KAT6B: variants seen among roughly 807,000 people sequenced by gnomAD.
The protein encoded by KAT6B is histone acetyltransferase KAT6B.
Under a neutral mutation model 187.5 loss-of-function variants are expected in KAT6B, and 10 were observed. The observed-to-expected ratio is 0.05, with a 90% confidence interval of 0.03 to 0.09. The LOEUF is 0.09. KAT6B is among the 10% of genes least tolerant of loss of function. KAT6B has a pLI of 1.00. For synonymous variants in KAT6B, 861 were observed against 926.8 expected, an observed-to-expected ratio of 0.93 and a Z score of 1.29; for missense variants, 1,952 against 2,558.9, an observed-to-expected ratio of 0.76 and a Z score of 5.12.
At chr10:75,003,440 G>A (rs1843993536) in intron 13 of KAT6B, among the ~76,000 whole-genome samples, 1 of 152,112 alleles carries the variant, frequency 6.6e-6, no homozygotes, top group African/African-American at 2.4e-5. Context: ...CTTTTGAAAT[G>A]GTGCTCAAGT....
intron 3 of KAT6B, among the ~76,000 whole-genome samples, chr10:74,937,444 T>C (rs1456854081): frequency 6.6e-6 from 1 of 152,236 alleles, no homozygotes. Context: ...ATTTAAAATC[T>C]TCTTGACCTT....
In KAT6B at chr10:75,022,102, AGAAGAGGAG is replaced by A. The variant is rs780405690; in HGVS notation, c.3249_3257del (p.Glu1087_Glu1089del). 32 of 1,582,848 alleles carry A rather than the reference AGAAGAGGAG, an allele frequency of 2.0e-5. No individual in the cohort carries two copies. Among genetic ancestry groups the A allele is most frequent in the Non-Finnish European group, 2.7e-5 (31 of 1,154,100 alleles). On this transcript the variant is annotated inframe_deletion, in exon 16 of 18. Coordinates refer to ENST00000287239, the MANE Select transcript of KAT6B (RefSeq NM_012330.4). The stretch of plus-strand genomic sequence containing the variant: ...AGGAGGAGGAGGACGAGGAGGAGGA[AGAAGAGGAG>A]GAAGAAGAGGAAGAGGATGAAGAGG...
intron 3 of KAT6B, among the ~76,000 whole-genome samples, chr10:74,948,332 A>G (rs371588749): frequency 1.3e-5 from 2 of 152,232 alleles, no homozygotes; most frequent in African/African-American, 4.8e-5. Flanking sequence ...TTAGTAACTT[A>G]TTGAATAGCA....
Position 75,030,540 on chromosome 10 carries a change from G to C in KAT6B, c.5716G>C (p.Gly1906Arg). 3.7e-6 allele frequency: 6 copies of C among 1,607,456 alleles called. No individual in the cohort carries two copies. The highest frequency in any genetic ancestry group is 5.1e-6 in the Non-Finnish European group (6 of 1,174,970). The stretch of plus-strand genomic sequence containing the variant: ...ACGGAACATGGCTGCATCAAATATT[G>C]GCATCTCTCACAGCCAAAGACTGCA... ...LQRNMAASNI[G>R]ISHSQRLQTQ... Residue 1906 changes from glycine to arginine, a missense_variant, in exon 18 of 18, where the codon GGC (glycine) becomes CGC (arginine). Transcript: ENST00000287239. The surrounding 1 kb of genome is among the most constrained non-coding windows in gnomAD (Gnocchi z 4.8).
At position 74,985,061 on chromosome 10, in the gene KAT6B, G is replaced by C. The variant is rs955739595; in HGVS notation, c.2374-19G>C. On this transcript the variant is annotated intron_variant, in intron 11 of 17. Transcript: ENST00000287239. Reference sequence around the variant, plus strand: ...CAGTATTTTTATGTTAAATAATGTTGTCTGTTTCTTTTTGCTAGGTTGATG... The same window carrying C: ...CAGTATTTTTATGTTAAATAATGTTCTCTGTTTCTTTTTGCTAGGTTGATG... 1.2e-6 allele frequency: 2 copies of C among 1,609,620 alleles called. No homozygotes were observed. Among genetic ancestry groups the C allele is most frequent in the Non-Finnish European group, 8.5e-7 (1 of 1,176,028 alleles).
intron 3 of KAT6B, among the ~76,000 whole-genome samples, chr10:74,940,243 A>T (rs181317099): frequency 1.5e-4 from 22 of 151,566 alleles, no homozygotes; most frequent in African/African-American, 5.3e-4. Context: ...GTTTAAAGCT[A>T]TATGTACTCG....
rs2133211435 is a variant in KAT6B at position 74,934,506 on chromosome 10, C to T, written c.622-25464C>T. Among the ~76,000 whole-genome samples, 2 of 152,274 alleles carry T rather than the reference C, an allele frequency of 1.3e-5. 1 individual carries two copies. The highest frequency in any genetic ancestry group is 4.1e-4 in the South Asian group (2 of 4,820). On this transcript the variant is annotated intron_variant, in intron 3 of 17. Coordinates refer to ENST00000287239, the MANE Select transcript of KAT6B (RefSeq NM_012330.4). ...ACCATGCCGGCTGCATCCTTTAAAT[C>T]TTTACAGTGGCTTCTCATTTCCTTT...
chr10:75,022,125 A>G lies in KAT6B; in HGVS notation c.3266A>G (p.Glu1089Gly), dbSNP rs1312275964. 3 of 1,606,440 alleles carry G rather than the reference A, an allele frequency of 1.9e-6. No homozygotes were observed. Among genetic ancestry groups the G allele is most frequent in the Admixed American group, 1.7e-5 (1 of 59,626 alleles). The change falls in exon 16 of 18, where the codon GAG (glutamate) becomes GGG (glycine). Residue 1089 changes from glutamate to glycine, a missense_variant. Transcript: ENST00000287239. ...EEEEEEEEEEEDEEEEEEEEE... is the reference protein window; with the variant it reads ...EEEEEEEEEEGDEEEEEEEEE... Reference sequence around the variant, plus strand: ...GAAGAAGAGGAGGAAGAAGAGGAAGAGGATGAAGAGGAGGAAGAAGAGGAA... The same window carrying G: ...GAAGAAGAGGAGGAAGAAGAGGAAGGGGATGAAGAGGAGGAAGAAGAGGAA...
At chr10:74,830,924 A>G (rs1032296251) in intron 1 of KAT6B, among the ~76,000 whole-genome samples, 1 of 149,652 alleles carries the variant, frequency 6.7e-6, no homozygotes, top group African/African-American at 2.5e-5. Flanking sequence ...AGTAGCTGGG[A>G]TTACAGGTGC....
chr10:74,927,764 A>G (rs1848607029), intron 3 of KAT6B, among the ~76,000 whole-genome samples: 1 of 152,018 alleles, frequency 6.6e-6, no homozygotes, highest in Admixed American at 6.6e-5. Flanking sequence ...GAAACTGGCA[A>G]TTTCCTCAGT....
chr10:74,830,769 T>TATGTATATATATATATATATA (rs58702000), intron 1 of KAT6B, among the ~76,000 whole-genome samples: 1 of 7,738 alleles, frequency 1.3e-4, no homozygotes, highest in African/African-American at 3.6e-4. Flanking sequence ...TATATATATA[T>TATGTATATATATATATATATA]TTTTTTTTTT....
At chr10:74,837,038 G>C (rs1841358362) in intron 1 of KAT6B, among the ~76,000 whole-genome samples, 1 of 152,082 alleles carries the variant, frequency 6.6e-6, no homozygotes, top group Admixed American at 6.6e-5. Flanking sequence ...TTATGACATT[G>C]ATTTTGAAAC....
chr10:74,921,362 C>A (rs562782476), intron 3 of KAT6B, among the ~76,000 whole-genome samples: 9 of 152,214 alleles, frequency 5.9e-5, no homozygotes, highest in African/African-American at 2.2e-4. Flanking sequence ...GATCCGCCTG[C>A]CTTGAACTCC....
At chr10:75,022,584 C>G (rs1006344807) in intron 16 of KAT6B, among the ~76,000 whole-genome samples, 2 of 152,174 alleles carry the variant, frequency 1.3e-5, no homozygotes, top group Admixed American at 6.5e-5. Context: ...GGAGACTTCT[C>G]TAAGGTCATA....
intron 17 of KAT6B, among the ~76,000 whole-genome samples, chr10:75,026,316 A>T (rs1845833909): frequency 6.6e-6 from 1 of 152,252 alleles, no homozygotes; most frequent in East Asian, 1.9e-4. Context: ...TCGTCTTTAA[A>T]AGCACCCATC....
intron 3 of KAT6B, among the ~76,000 whole-genome samples, chr10:74,959,108 G>A (rs1399510074): frequency 6.6e-6 from 1 of 151,862 alleles, no homozygotes; most frequent in Non-Finnish European, 1.5e-5. Context: ...TATCTTTTTT[G>A]TTTGGTATGG....
chr10:74,954,138 T>G (rs974390814), intron 3 of KAT6B, among the ~76,000 whole-genome samples: 1 of 152,234 alleles, frequency 6.6e-6, no homozygotes, highest in East Asian at 1.9e-4. Flanking sequence ...TATACTGTTG[T>G]GTCCTCAGCA....
Position 75,030,163 on chromosome 10 carries a change from A to C in KAT6B, c.5339A>C (p.Gln1780Pro), listed in dbSNP as rs1310727046. 3 of 1,614,140 alleles carry C rather than the reference A, an allele frequency of 1.9e-6. No individual in the cohort carries two copies. The African/African-American group carries it at 4.0e-5, about 22-fold the overall frequency. Residue 1780 changes from glutamine (Q) to proline (P), a missense_variant, in exon 18 of 18, where the codon CAG becomes CCG. Physicochemically the swap from Gln to Pro is moderately conservative, Grantham distance 76. Transcript: ENST00000287239. The surrounding 1 kb of genome is among the most constrained non-coding windows in gnomAD (Gnocchi z 4.8). ...SMAANFTPPM[Q>P]LAEIPETSNA... ...GCTGCTAACTTCACCCCACCCATGC[A>C]GCTGGCTGAAATCCCCGAGACGAGC... is the stretch of plus-strand genomic sequence containing the variant.
intron 1 of KAT6B, among the ~76,000 whole-genome samples, chr10:74,829,137 G>C (rs1034930803): frequency 1.3e-5 from 2 of 152,174 alleles, no homozygotes; most frequent in African/African-American, 4.8e-5. Flanking sequence ...GCCACACTTA[G>C]GCTTCTGAGT....
Sources: allele counts gnomAD v4.1 joint callset (sites outside exome capture counted in the v4.1 genomes callset), GRCh38; gene constraint gnomAD v4.1.1; non-coding constraint Gnocchi (gnomAD v3.1); transcripts MANE v1.5; gene names NCBI Gene and HGNC (gene_info 2026-07-23, HGNC 2026-07-21).